CCDC14: variants seen among roughly 807,000 people sequenced by gnomAD.
The protein encoded by CCDC14 is coiled-coil domain containing 14.
CCDC14 carries 71 observed loss-of-function variants against 81.4 expected under a neutral mutation model. The observed-to-expected ratio is 0.87, with a 90% CI of 0.72 to 1.06. CCDC14 has a LOEUF of 1.06. Ranked by LOEUF, CCDC14 falls within the 50% of genes least tolerant of loss-of-function variation. The probability of loss-of-function intolerance (pLI) is 0.00; values close to 1 mark genes in which losing one functional copy is unlikely to be tolerated. For synonymous variants in CCDC14, 332 were observed against 364.8 expected (o/e 0.91, Z 1.03); for missense variants, 1,046 against 1,047.3 (o/e 1.00, Z 0.02).
intron 10 of CCDC14, 77 bp from the exon 11 acceptor site, chr3:123,931,603 A>T: frequency 2.0e-6 from 1 of 507,142 alleles, no homozygotes. Flanking sequence ...TGTTTCTTAA[A>T]AAAAAAAAAA....
chr3:123,943,260 C>T (rs1047655579), intron 9 of CCDC14, among the ~76,000 whole-genome samples: 1 of 151,886 alleles, frequency 6.6e-6, no homozygotes, highest in Non-Finnish European at 1.5e-5. Flanking sequence ...AATATTTGGC[C>T]TTTTGTCCCT....
At chr3:123,930,861 A>C (rs949090583) in intron 12 of CCDC14, 1 of 402,626 alleles carries the variant, frequency 2.5e-6, no homozygotes, top group Non-Finnish European at 4.4e-6. Flanking sequence ...ACAAGTCTTC[A>C]GCTTCTCATC....
chr3:123,915,380 G>T lies in CCDC14; in HGVS notation c.2117C>A (p.Ser706Ter). 2 of 1,613,528 alleles carry T rather than the reference G, an allele frequency of 1.2e-6. No homozygotes were observed. The highest frequency in any genetic ancestry group is 1.7e-6 in the Non-Finnish European group (2 of 1,179,692). The stretch of plus-strand genomic sequence containing the variant: ...ACTCCCTTCATCAGAATCCTGTTTT[G>T]AAAGGGCAGAAATAATTCCAGGTGC... ...ASAPGIISAL[S>*]KQDSDEGSET... is the part of the protein sequence containing the mutation. The change falls in exon 13 of 13, where the codon TCA (serine) becomes TAA (stop). Residue 706 changes from serine to a stop codon, truncating the protein, a stop_gained. Coordinates refer to ENST00000409697, the MANE Select transcript of CCDC14 (RefSeq NM_001366335.1). LOFTEE classifies it low-confidence loss of function (END_TRUNC).
the CCDC14 span, among the ~76,000 whole-genome samples, chr3:123,889,027 G>T: frequency 2.0e-5 from 3 of 152,128 alleles, no homozygotes; most frequent in Admixed American, 6.6e-5. Context: ...AATCCCTTCT[G>T]CCTATGAACC....
At chr3:123,935,823 C>A (rs139579734) in intron 9 of CCDC14, among the ~76,000 whole-genome samples, 46 of 152,262 alleles carry the variant, frequency 3.0e-4, no homozygotes, top group African/African-American at 1.0e-3. Flanking sequence ...CACTGCAAGC[C>A]TCTCATTCCT....
intron 12 of CCDC14, among the ~76,000 whole-genome samples, chr3:123,918,912 G>A (rs964006094): frequency 4.6e-5 from 7 of 152,180 alleles, no homozygotes; most frequent in Non-Finnish European, 7.4e-5. Flanking sequence ...TGCCAGGGCC[G>A]AGTCCCTACC....
At chr3:123,895,757 CT>C (rs1288119253), downstream of CCDC14, among the ~76,000 whole-genome samples, 2 of 152,098 alleles carry the variant, frequency 1.3e-5, no homozygotes, top group Non-Finnish European at 2.9e-5. Context: ...GTTCTAAAGG[CT>C]AATTATTTGT....
intron 12 of CCDC14, among the ~76,000 whole-genome samples, chr3:123,925,863 A>C (rs2148829318): frequency 6.6e-6 from 1 of 152,362 alleles, no homozygotes; most frequent in East Asian, 1.9e-4. Flanking sequence ...CACCTTGTTT[A>C]CATATACCAA....
In CCDC14 at chr3:123,898,790, C is replaced by T. The variant is rs570892791; in HGVS notation, c.668-1177G>A. Among the ~76,000 whole-genome samples the T allele has an allele frequency of 3.3e-5, 5 of 152,182 alleles. No homozygotes were observed. In the East Asian group the frequency reaches 5.8e-4, roughly 18 times the overall value. ...GTAGCCTCCACCTCCTGGGTTCAAG[C>T]GATTCTCATGCCTCGGCCTCCTGAG... On this transcript the variant is annotated intron_variant, in intron 5 of 5. Coordinates refer to the CCDC14 transcript ENST00000479903.
intron 4 of CCDC14, 38 bp from the exon 5 acceptor site, chr3:123,956,003 G>T (rs749186805): frequency 6.6e-7 from 1 of 1,525,628 alleles, no homozygotes; most frequent in South Asian, 1.3e-5. Flanking sequence ...TCAAAATAAT[G>T]ACTTGAGATA....
chr3:123,922,093 C>T (rs180674947), intron 12 of CCDC14, among the ~76,000 whole-genome samples: 14 of 152,114 alleles, frequency 9.2e-5, no homozygotes, highest in African/African-American at 3.1e-4. Flanking sequence ...AATTCACAAA[C>T]GTGGAAATTA....
In CCDC14 at chr3:123,914,115, A is replaced by G. The variant is rs2034526023; in HGVS notation, c.*664T>C. 2.0e-6 allele frequency: 2 copies of G among 985,790 alleles called. No homozygotes were observed. Among genetic ancestry groups the G allele is most frequent in the African/African-American group, 3.5e-5 (2 of 57,358 alleles). 61.1% of individuals were successfully genotyped at this position (985,790 alleles called of 1,614,324 possible). On this transcript the variant is annotated 3_prime_UTR_variant, in exon 13 of 13. Transcript: ENST00000409697. ...ATAGCTTATCTGTTAGCACTTCTTTATCAGTCTGACTATTCTTTAAAGGCC... is the reference window on the plus strand; with the variant it reads ...ATAGCTTATCTGTTAGCACTTCTTTGTCAGTCTGACTATTCTTTAAAGGCC...
intron 12 of CCDC14, among the ~76,000 whole-genome samples, chr3:123,915,996 C>CT (rs55792519): frequency 0.57 from 78,719 of 139,294 alleles, 24,015 homozygotes; most frequent in Non-Finnish European, 0.71. Flanking sequence ...ATGTTTTACT[C>CT]TTTTTTTTTT....
downstream of CCDC14, among the ~76,000 whole-genome samples, chr3:123,896,923 G>A (rs1043515798): frequency 3.3e-5 from 5 of 152,152 alleles, no homozygotes; most frequent in East Asian, 9.7e-4. Flanking sequence ...TGTGGGCAGG[G>A]GCAGGGAAAA....
intron 5 of CCDC14, among the ~76,000 whole-genome samples, chr3:123,898,887 T>TG (rs1339926051): frequency 1.3e-5 from 2 of 149,088 alleles, no homozygotes; most frequent in Non-Finnish European, 3.0e-5. Context: ...TTTGGTTGTT[T>TG]TTTTTTTTTT....
At chr3:123,901,179 C>G (rs1174803854) in intron 5 of CCDC14, among the ~76,000 whole-genome samples, 2 of 151,576 alleles carry the variant, frequency 1.3e-5, no homozygotes, top group African/African-American at 2.4e-5. Flanking sequence ...TTGTGGTGAG[C>G]TGAGATCATG....
At chr3:123,928,654 C>G (rs1183177384) in intron 12 of CCDC14, among the ~76,000 whole-genome samples, 1 of 152,104 alleles carries the variant, frequency 6.6e-6, no homozygotes, top group Non-Finnish European at 1.5e-5. Context: ...ATATTTGGAA[C>G]ATAATACAAA....
At chr3:123,933,028 G>A (rs969539068) in intron 10 of CCDC14, among the ~76,000 whole-genome samples, 2 of 152,096 alleles carry the variant, frequency 1.3e-5, no homozygotes, top group African/African-American at 4.8e-5. Context: ...GAACCTTGGA[G>A]GCAGAGGTTG....
chr3:123,894,098 A>C (rs1397536899), downstream of CCDC14, among the ~76,000 whole-genome samples: 2 of 152,202 alleles, frequency 1.3e-5, no homozygotes, highest in Non-Finnish European at 2.9e-5. Flanking sequence ...TTTACAGTTT[A>C]GCTCTTAAAT....
Sources: allele counts gnomAD v4.1 joint callset (sites outside exome capture counted in the v4.1 genomes callset), GRCh38; gene constraint gnomAD v4.1.1; transcripts MANE v1.5; gene names NCBI Gene and HGNC (gene_info 2026-07-23, HGNC 2026-07-21).